Variants in CNTNAP2 observed in about 807,000 individuals in gnomAD.
The protein encoded by CNTNAP2 is contactin-associated protein-like 2.
Under a neutral mutation model 155.2 loss-of-function variants are expected in CNTNAP2, and 98 were observed. The observed-to-expected ratio is 0.63, with a 90% CI of 0.54 to 0.75. CNTNAP2 has a LOEUF of 0.75. Among genes scored for constraint, CNTNAP2 ranks in the 30% least tolerant of loss-of-function variants. The pLI is 0.00. For synonymous variants in CNTNAP2, 651 were observed against 631.2 expected (o/e 1.03, Z -0.47); for missense variants, 1,727 against 1,688.1 (o/e 1.02, Z -0.40).
At chr7:146,156,171 A>G (rs1798123041) in intron 1 of CNTNAP2, among the ~76,000 whole-genome samples, 1 of 152,190 alleles carries the variant, frequency 6.6e-6, no homozygotes, top group Non-Finnish European at 1.5e-5. Flanking sequence ...AAAGTATTAA[A>G]TGTGCAGAGG....
chr7:146,534,868 G>A lies in CNTNAP2; in HGVS notation c.98-239403G>A, dbSNP rs1416125960. 6.7e-5 allele frequency among the ~76,000 whole-genome samples: 10 copies of A among 149,782 alleles called. No individual in the cohort carries two copies. The Admixed American group carries it at 6.7e-4, about 10-fold the overall frequency. On this transcript the variant is annotated intron_variant, in intron 1 of 23. Coordinates refer to ENST00000361727, the MANE Select transcript of CNTNAP2 (RefSeq NM_014141.6). ...ATGATTTTAGGCAATTAGAATTAAG[G>A]TTTTCTTCCATAGCTCATAAACAAA...
At chr7:147,275,268 A>T (rs536985088) in intron 8 of CNTNAP2, among the ~76,000 whole-genome samples, 13 of 152,190 alleles carry the variant, frequency 8.5e-5, no homozygotes, top group African/African-American at 3.1e-4. Context: ...TCATTTTAAC[A>T]ATATTGATTC....
At chr7:146,187,048 C>A (rs1463455538) in intron 1 of CNTNAP2, among the ~76,000 whole-genome samples, 1 of 152,106 alleles carries the variant, frequency 6.6e-6, no homozygotes, top group Non-Finnish European at 1.5e-5. Flanking sequence ...TTTATTCTTG[C>A]AGAAAAAGTC....
At chr7:147,571,543 T>G (rs141027802) in intron 12 of CNTNAP2, among the ~76,000 whole-genome samples, 1 of 152,094 alleles carries the variant, frequency 6.6e-6, no homozygotes, top group Admixed American at 6.6e-5. Context: ...AGTCTTAAAC[T>G]GAATCTAACA....
chr7:148,393,659 C>T (rs1799404205), intron 22 of CNTNAP2, among the ~76,000 whole-genome samples: 1 of 152,122 alleles, frequency 6.6e-6, no homozygotes, highest in Non-Finnish European at 1.5e-5. Flanking sequence ...TACAAACCAT[C>T]CTCTAATGAT....
At chr7:147,640,162 TGA>T (rs1795249945) in intron 13 of CNTNAP2, among the ~76,000 whole-genome samples, 1 of 150,212 alleles carries the variant, frequency 6.7e-6, no homozygotes, top group African/African-American at 2.4e-5. Flanking sequence ...CAATATGATA[TGA>T]TATATATATA....
chr7:147,148,956 A>T (rs1395267608), intron 8 of CNTNAP2, among the ~76,000 whole-genome samples: 1 of 152,222 alleles, frequency 6.6e-6, no homozygotes, highest in Non-Finnish European at 1.5e-5. Flanking sequence ...ACAGACACAA[A>T]GAGTGAGCAG....
intron 1 of CNTNAP2, among the ~76,000 whole-genome samples, chr7:146,471,296 T>G (rs1258825303): frequency 6.6e-6 from 1 of 152,238 alleles, no homozygotes; most frequent in East Asian, 1.9e-4. Context: ...GTCACTTCCT[T>G]GAATCAGAGT....
intron 4 of CNTNAP2, chr7:147,083,365 A>G (rs1475498395): frequency 6.6e-6 from 1 of 151,846 alleles, no homozygotes; most frequent in East Asian, 1.9e-4. Flanking sequence ...TATGGGGAAC[A>G]CTGTATTTTG....
Position 147,813,746 on chromosome 7 carries a change from C to T in CNTNAP2, c.2099-89819C>T, listed in dbSNP as rs74353141. 2.3e-3 allele frequency among the ~76,000 whole-genome samples: 347 copies of T among 152,264 alleles called. 1 individual carries two copies. The highest frequency in any genetic ancestry group is 7.3e-3 in the African/African-American group (305 of 41,562). The stretch of plus-strand genomic sequence containing the variant: ...TATTTATATTCTGCACATGCACGCA[C>T]GGAGGAAAATCTCACTTCAATTATA... On this transcript the variant is annotated intron_variant, in intron 13 of 23. Coordinates refer to ENST00000361727, the MANE Select transcript of CNTNAP2 (RefSeq NM_014141.6).
intron 1 of CNTNAP2, among the ~76,000 whole-genome samples, chr7:146,566,696 CAAAAAT>C (rs10537823): frequency 0.29 from 42,971 of 149,614 alleles, 6,316 homozygotes; most frequent in East Asian, 0.49. Flanking sequence ...GACTCCGTCT[CAAAAAT>C]AAAAATAAAA....
At chr7:146,802,441 G>T (rs764977215) in intron 2 of CNTNAP2, among the ~76,000 whole-genome samples, 5 of 152,134 alleles carry the variant, frequency 3.3e-5, no homozygotes, top group Admixed American at 1.3e-4. Flanking sequence ...CTATGTGTTC[G>T]CACCCAAATC....
intron 12 of CNTNAP2, among the ~76,000 whole-genome samples, chr7:147,600,113 T>A (rs971303697): frequency 9.2e-5 from 14 of 152,184 alleles, no homozygotes; most frequent in African/African-American, 2.7e-4. Context: ...ATGCAGGAAA[T>A]TGGAACAGAC....
intron 9 of CNTNAP2, among the ~76,000 whole-genome samples, chr7:147,337,560 T>G (rs1584882833): frequency 6.6e-6 from 1 of 152,142 alleles, no homozygotes; most frequent in Non-Finnish European, 1.5e-5. Flanking sequence ...AAAAAAAGTT[T>G]GAACAACAAT....
chr7:146,173,136 TA>T (rs1037729075), intron 1 of CNTNAP2, among the ~76,000 whole-genome samples: 1 of 151,870 alleles, frequency 6.6e-6, no homozygotes, highest in African/African-American at 2.4e-5. Flanking sequence ...AAAGGATTTT[TA>T]AAAAAAACTG....
Position 146,546,793 on chromosome 7 carries a change from A to T in CNTNAP2, c.98-227478A>T, listed in dbSNP as rs186574095. Among the ~76,000 whole-genome samples, 76 of 151,864 alleles carry T rather than the reference A, an allele frequency of 5.0e-4. 1 individual carries two copies. In the East Asian group the frequency reaches 0.014, roughly 28 times the overall value. ...GTGCTGAGTGTAAGTCTCTTATAAA[A>T]CCATCAGACCTCGTAAGAACTCACT... On this transcript the variant is annotated intron_variant, in intron 1 of 23. Coordinates refer to ENST00000361727, the MANE Select transcript of CNTNAP2 (RefSeq NM_014141.6).
chr7:146,802,269 T>C (rs1220765713), intron 2 of CNTNAP2, among the ~76,000 whole-genome samples: 2 of 152,146 alleles, frequency 1.3e-5, no homozygotes, highest in Non-Finnish European at 2.9e-5. Context: ...TGTTGACAGA[T>C]CAGTTTCTTG....
At chr7:148,413,401 A>AAAAAAAAAATATAT (rs1442990213) in intron 23 of CNTNAP2, among the ~76,000 whole-genome samples, 2 of 45,368 alleles carry the variant, frequency 4.4e-5, no homozygotes, top group African/African-American at 2.5e-4. Context: ...TCAAAAAAAA[A>AAAAAAAAAATATAT]ATATATATAT....
intron 13 of CNTNAP2, among the ~76,000 whole-genome samples, chr7:147,758,067 A>G (rs767670800): frequency 2.0e-5 from 3 of 152,228 alleles, no homozygotes; most frequent in Non-Finnish European, 4.4e-5. Context: ...CTCTTAGAAT[A>G]TGTCAAGTAA....
Sources: gnomAD v4.1 joint callset for allele counts (sites outside exome capture counted in the v4.1 genomes callset) on GRCh38, gnomAD v4.1.1 for gene constraint, MANE v1.5 for transcripts, NCBI Gene and HGNC (gene_info 2026-07-23, HGNC 2026-07-21) for gene names.